TMEM248: variants seen among roughly 807,000 people sequenced by gnomAD.
TMEM248 encodes the protein transmembrane protein 248.
A neutral mutation model predicts 30.3 loss-of-function variants in TMEM248; 9 were observed. The observed-to-expected ratio is 0.30, with a 90% confidence interval of 0.18 to 0.52. TMEM248 has a LOEUF of 0.52. Among genes scored for constraint, TMEM248 ranks in the 20% least tolerant of loss-of-function variants. The probability of loss-of-function intolerance (pLI) is 0.97; values close to 1 mark genes in which losing one functional copy is unlikely to be tolerated. For synonymous variants in TMEM248, 184 were observed against 154.4 expected, an observed-to-expected ratio of 1.19 and a Z score of -1.42; for missense variants, 338 against 403.3, an observed-to-expected ratio of 0.84 and a Z score of 1.39.
At chr7:66,936,070 G>A (rs2129222628) in intron 1 of TMEM248, among the ~76,000 whole-genome samples, 1 of 152,200 alleles carries the variant, frequency 6.6e-6, no homozygotes, top group Non-Finnish European at 1.5e-5. Flanking sequence ...TCTGATTGCT[G>A]TATCTAGGAC....
At chr7:66,952,914 C>G (rs959857829) in intron 5 of TMEM248, among the ~76,000 whole-genome samples, 8 of 152,140 alleles carry the variant, frequency 5.3e-5, no homozygotes, top group African/African-American at 1.7e-4. Flanking sequence ...GGAGTGTCTG[C>G]AGCATTTGCA....
At chr7:66,943,905 G>A (rs954493524) in intron 2 of TMEM248, among the ~76,000 whole-genome samples, 1 of 151,146 alleles carries the variant, frequency 6.6e-6, no homozygotes, top group Non-Finnish European at 1.5e-5. Flanking sequence ...AACGATTTTC[G>A]TGCCTCAGCC....
intron 1 of TMEM248, among the ~76,000 whole-genome samples, chr7:66,933,965 C>CT (rs199864315): frequency 0.037 from 5,438 of 145,528 alleles, 156 homozygotes; most frequent in East Asian, 0.088. Context: ...ATCTCTTTTT[C>CT]TTTTTTTTTT....
At chr7:66,922,065 GT>G (rs542871171) in intron 1 of TMEM248, 62 of 152,340 alleles carry the variant, frequency 4.1e-4, no homozygotes, top group African/African-American at 1.4e-3. Flanking sequence ...GTTTTGAGTC[GT>G]TTGAACGCCG....
At position 66,951,126 on chromosome 7, in the gene TMEM248, T is replaced by C. The variant is rs774299474; in HGVS notation, c.771T>C (p.Ile257=). ...YHALNPKLTV[I]VPDDDRSLIN... ...CTTTAAATCCCAAGCTTACAGTGATTGTTCCAGATGTAAGTGAGAAAAATT... is the reference window on the plus strand; with the variant it reads ...CTTTAAATCCCAAGCTTACAGTGATCGTTCCAGATGTAAGTGAGAAAAATT... Residue 257 remains isoleucine, a synonymous_variant, in exon 5 of 7, where the codon ATT becomes ATC. Coordinates refer to ENST00000341567, the MANE Select transcript of TMEM248 (RefSeq NM_017994.5). 6.3e-7 allele frequency: 1 copy of C among 1,580,412 alleles called. No homozygotes were observed.
At chr7:66,938,816 C>G (rs1265301131) in intron 1 of TMEM248, among the ~76,000 whole-genome samples, 1 of 152,214 alleles carries the variant, frequency 6.6e-6, no homozygotes. Flanking sequence ...TCTCAAGAAC[C>G]TTTCATATGG....
chr7:66,927,898 A>C (rs1281628181), intron 1 of TMEM248, among the ~76,000 whole-genome samples: 1 of 152,130 alleles, frequency 6.6e-6, no homozygotes, highest in African/African-American at 2.4e-5. Flanking sequence ...ATGAGTGCTG[A>C]GATGGGAGGA....
At chr7:66,925,486 C>G (rs187425123) in intron 1 of TMEM248, among the ~76,000 whole-genome samples, 1 of 152,124 alleles carries the variant, frequency 6.6e-6, no homozygotes, top group Non-Finnish European at 1.5e-5. Flanking sequence ...CCATTGTCTT[C>G]TAGATTCCAC....
At chr7:66,954,540 G>T (rs1199872306) in intron 6 of TMEM248, among the ~76,000 whole-genome samples, 1 of 151,780 alleles carries the variant, frequency 6.6e-6, no homozygotes, top group Non-Finnish European at 1.5e-5. Flanking sequence ...GGGACCACAG[G>T]CATGCATCAC....
chr7:66,946,900 T>C (rs1236343868), intron 3 of TMEM248, among the ~76,000 whole-genome samples: 1 of 152,066 alleles, frequency 6.6e-6, no homozygotes, highest in Non-Finnish European at 1.5e-5. Context: ...TTTTGTTCTT[T>C]GGTTACCAAA....
chr7:66,947,550 G>A (rs894954041), intron 3 of TMEM248, among the ~76,000 whole-genome samples: 4 of 151,940 alleles, frequency 2.6e-5, no homozygotes, highest in Non-Finnish European at 5.9e-5. Flanking sequence ...TTATAGGTTC[G>A]TGACACCATG....
At chr7:66,935,605 C>T (rs1562939468) in intron 1 of TMEM248, among the ~76,000 whole-genome samples, 1 of 152,210 alleles carries the variant, frequency 6.6e-6, no homozygotes, top group South Asian at 2.1e-4. Context: ...TGCAGAGGCA[C>T]GACGTTGGCT....
Position 66,921,435 on chromosome 7 carries a change from G to C in TMEM248, c.-45G>C, listed in dbSNP as rs1562934209. 2 of 150,128 alleles carry C rather than the reference G, an allele frequency of 1.3e-5. No homozygotes were observed. 9.3% of individuals were successfully genotyped at this position (150,128 alleles called of 1,614,324 possible). On this transcript the variant is annotated 5_prime_UTR_variant, in exon 1 of 7. Transcript: ENST00000341567. The stretch of plus-strand genomic sequence containing the variant: ...CGAGCAGCTGGCCCGGCTGGGCCCG[G>C]GGCGCGCAGCTGCCCGCCGGGGCGG...
chr7:66,955,902 G>GT lies in TMEM248; in HGVS notation c.*383dup. The GT allele has an allele frequency of 4.5e-6, 1 of 223,004 alleles. No individual in the cohort carries two copies. The highest frequency in any genetic ancestry group is 1.2e-4 in the South Asian group (1 of 8,482). 13.8% of individuals were successfully genotyped at this position (223,004 alleles called of 1,614,324 possible). Reference sequence around the variant, plus strand: ...GGGGTTGAAGTTTGGTTTGGTTCTTGTTTCAGCCCAATATGTAGAGAACAT... The same window carrying GT: ...GGGGTTGAAGTTTGGTTTGGTTCTTGTTTTCAGCCCAATATGTAGAGAACAT... On this transcript the variant is annotated 3_prime_UTR_variant, in exon 7 of 7. Coordinates refer to ENST00000341567, the MANE Select transcript of TMEM248 (RefSeq NM_017994.5).
At chr7:66,926,584 C>G (rs962387650) in intron 1 of TMEM248, among the ~76,000 whole-genome samples, 1 of 149,070 alleles carries the variant, frequency 6.7e-6, no homozygotes, top group Non-Finnish European at 1.5e-5. Flanking sequence ...TGTGGTGAGC[C>G]GGGTTCGCAC....
chr7:66,944,540 C>T (rs1052199538), intron 2 of TMEM248, among the ~76,000 whole-genome samples: 4 of 152,090 alleles, frequency 2.6e-5, no homozygotes. Flanking sequence ...ATGGAATTGA[C>T]CTTTTGGGAC....
chr7:66,936,535 T>C (rs892919071), intron 1 of TMEM248, among the ~76,000 whole-genome samples: 3 of 152,134 alleles, frequency 2.0e-5, no homozygotes, highest in African/African-American at 7.2e-5. Context: ...TTGATGTATC[T>C]TTGGTTTTGG....
intron 1 of TMEM248, among the ~76,000 whole-genome samples, chr7:66,925,929 C>A (rs1791510973): frequency 6.6e-6 from 1 of 152,032 alleles, no homozygotes; most frequent in Non-Finnish European, 1.5e-5. Flanking sequence ...ACGTGAGCCA[C>A]CACGCCCGGC....
At chr7:66,955,099 C>G (rs1792369814) in intron 6 of TMEM248, among the ~76,000 whole-genome samples, 1 of 152,100 alleles carries the variant, frequency 6.6e-6, no homozygotes, top group Non-Finnish European at 1.5e-5. Flanking sequence ...CCCTTCTCTA[C>G]TAACAGTTAA....
Sources: allele counts gnomAD v4.1 joint callset (sites outside exome capture counted in the v4.1 genomes callset), GRCh38; gene constraint gnomAD v4.1.1; transcripts MANE v1.5; gene names NCBI Gene and HGNC (gene_info 2026-07-23, HGNC 2026-07-21).